Variants in DOCK8 observed in about 807,000 individuals in gnomAD.
DOCK8 encodes dedicator of cytokinesis protein 8.
DOCK8 carries 141 observed loss-of-function variants against 245.6 expected under a neutral mutation model. That is an observed-to-expected ratio of 0.57 (90% confidence interval 0.50 to 0.66). The LOEUF is 0.66. DOCK8 is among the 30% of genes least tolerant of loss of function. The pLI, the probability that DOCK8 is intolerant of heterozygous loss-of-function variation, is 0.00. For synonymous variants in DOCK8, 1,168 were observed against 970.2 expected, an observed-to-expected ratio of 1.20 and a Z score of -3.79; for missense variants, 2,965 against 2,603.4, an observed-to-expected ratio of 1.14 and a Z score of -3.02.
At chr9:358,643 G>A (rs1433872709) in intron 14 of DOCK8, among the ~76,000 whole-genome samples, 1 of 149,364 alleles carries the variant, frequency 6.7e-6, no homozygotes, top group East Asian at 2.0e-4. Context: ...GAGGTCAGGA[G>A]TTCAAGACAA....
intron 5 of DOCK8, among the ~76,000 whole-genome samples, chr9:309,109 A>G (rs1586663094): frequency 1.3e-5 from 2 of 152,224 alleles, no homozygotes; most frequent in Non-Finnish European, 1.5e-5. Flanking sequence ...ATTCTTGCAC[A>G]CTTGCCAGTT....
rs1564011206 is a variant in DOCK8 at position 399,988 on chromosome 9, C to CCCACCACCA, written c.3234+737_3234+738insACCACCACC. 8.7e-4 allele frequency among the ~76,000 whole-genome samples: 69 copies of CCCACCACCA among 79,446 alleles called. 1 individual carries two copies. The highest frequency in any genetic ancestry group is 2.5e-3 in the African/African-American group (40 of 16,054). The allele number at this position is 79,446 out of a possible 152,430, so 52.1% of individuals were successfully genotyped here. A position where few individuals can be genotyped will look rare whatever the true frequency, so the allele number is the denominator to read the frequency against. ...ACCACCTTCTCCACCATCACCACCT[C>CCCACCACCA]CCACCACCTCCACCACCTCCACCAT... On this transcript the variant is annotated intron_variant, in intron 26 of 47. Coordinates refer to ENST00000432829, the MANE Select transcript of DOCK8 (RefSeq NM_203447.4).
At chr9:229,613 G>C (rs1460032104) in intron 1 of DOCK8, among the ~76,000 whole-genome samples, 1 of 152,086 alleles carries the variant, frequency 6.6e-6, no homozygotes, top group African/African-American at 2.4e-5. Context: ...GAGTTACCAA[G>C]CTCTTTATTC....
At position 420,505 on chromosome 9, in the gene DOCK8, G is replaced by A. The variant is rs2056231658; in HGVS notation, c.3945G>A (p.Trp1315Ter). 6.2e-7 allele frequency: 1 copy of A among 1,614,048 alleles called. No individual in the cohort carries two copies. Among genetic ancestry groups the A allele is most frequent in the Non-Finnish European group, 8.5e-7 (1 of 1,180,048 alleles). The change falls in exon 31 of 48, where the codon TGG becomes TGA. Residue 1315 changes from tryptophan to a stop codon, truncating the protein, a stop_gained. Transcript: ENST00000432829. LOFTEE classifies it high-confidence loss of function. Reference protein sequence around the residue: ...KNADQSLIRKWIADLPSTQLN... With the variant: ...KNADQSLIRK ...CTGATCAGAGCCTCATTAGGAAGTG[G>A]ATTGCTGACCTGCCATCAACGCAGC... is the stretch of plus-strand genomic sequence containing the variant.
In DOCK8 at chr9:443,468, G is replaced by A; in HGVS notation, c.5532G>A (p.Val1844=). ...GTTTTGGTGCAGAATTTGTGGAAGTGATTAAAGACTCCACTCCTGTGGACA... is the reference window on the plus strand; with the variant it reads ...GTTTTGGTGCAGAATTTGTGGAAGTAATTAAAGACTCCACTCCTGTGGACA... ...GQCFGAEFVE[V]IKDSTPVDKT... The change falls in exon 43 of 48, where the codon GTG becomes GTA. Residue 1844 remains valine, a synonymous_variant. Coordinates refer to ENST00000432829, the MANE Select transcript of DOCK8 (RefSeq NM_203447.4). The A allele has an allele frequency of 6.2e-7, 1 of 1,614,050 alleles. No individual in the cohort carries two copies. The highest frequency in any genetic ancestry group is 8.5e-7 in the Non-Finnish European group (1 of 1,179,984).
intron 46 of DOCK8, among the ~76,000 whole-genome samples, chr9:455,465 G>A (rs1403772974): frequency 3.3e-5 from 5 of 152,268 alleles, no homozygotes; most frequent in South Asian, 2.1e-4. Context: ...AGCCATGATC[G>A]TGCCACTGCA....
At chr9:449,599 A>T (rs532480027) in intron 44 of DOCK8, among the ~76,000 whole-genome samples, 185 bp from the exon 45 acceptor site, 108 of 152,362 alleles carry the variant, frequency 7.1e-4, no homozygotes, top group African/African-American at 2.5e-3. Context: ...TTCCTGGAAC[A>T]TAAGGAATCA....
At chr9:391,578 T>C (rs775208266) in intron 24 of DOCK8, among the ~76,000 whole-genome samples, 3 of 152,302 alleles carry the variant, frequency 2.0e-5, no homozygotes, top group African/African-American at 4.8e-5. Flanking sequence ...TATTTTTTTG[T>C]TTAATTATTA....
At position 432,628 on chromosome 9, in the gene DOCK8, G is replaced by T. The variant is rs7024679; in HGVS notation, c.4785+304G>T. ...GTGTGGTAAGGAGCTAAATGCTATG[G>T]AAGGTTAGAGGAAGAGAGGTCGTGA... On this transcript the variant is annotated intron_variant, in intron 37 of 47. Transcript: ENST00000432829. 0.7 allele frequency among the ~76,000 whole-genome samples: 105,630 copies of T among 151,760 alleles called. 38,121 individuals are homozygous for T. The highest frequency in any genetic ancestry group is 0.98 in the East Asian group (5,058 of 5,156).
Position 328,641 on chromosome 9 carries a change from C to T in DOCK8, c.1044+470C>T, listed in dbSNP as rs139177505. ...GAGTTTCCTAACGATGTTCATGTTG[C>T]TCTAGAGATGCATAGTTACGTGTTC... On this transcript the variant is annotated intron_variant, in intron 9 of 47. Coordinates refer to ENST00000432829, the MANE Select transcript of DOCK8 (RefSeq NM_203447.4). Among the ~76,000 whole-genome samples the T allele has an allele frequency of 3.4e-3, 510 of 152,214 alleles. 5 individuals are homozygous for T. The highest frequency in any genetic ancestry group is 0.012 in the African/African-American group (492 of 41,552).
chr9:367,510 G>A (rs560536961), intron 14 of DOCK8, among the ~76,000 whole-genome samples: 27 of 146,486 alleles, frequency 1.8e-4, no homozygotes, highest in Admixed American at 2.6e-4. Context: ...TGTTGTTGTC[G>A]TTTACAGTAA....
At chr9:333,084 G>C (rs1586723655) in intron 10 of DOCK8, among the ~76,000 whole-genome samples, 1 of 152,288 alleles carries the variant, frequency 6.6e-6, no homozygotes, top group Non-Finnish European at 1.5e-5. Context: ...CTCTGACTCA[G>C]CTGGTTGGGA....
intron 1 of DOCK8, among the ~76,000 whole-genome samples, chr9:269,094 A>G (rs1223161746): frequency 6.6e-6 from 1 of 152,156 alleles, no homozygotes; most frequent in East Asian, 1.9e-4. Flanking sequence ...TACAAAATTC[A>G]CCCATGTGTA....
At chr9:394,248 C>T (rs915858549) in intron 24 of DOCK8, among the ~76,000 whole-genome samples, 9 of 147,782 alleles carry the variant, frequency 6.1e-5, no homozygotes, top group African/African-American at 2.2e-4. Context: ...CAGAGACAGA[C>T]AGAGAAGGAC....
Position 415,231 on chromosome 9 carries a change from A to C in DOCK8, c.3700+280A>C, listed in dbSNP as rs572231680. Among the ~76,000 whole-genome samples the C allele has an allele frequency of 2.0e-4, 30 of 152,336 alleles. No individual in the cohort carries two copies. In the South Asian group the frequency reaches 5.6e-3, roughly 28 times the overall value. Reference sequence around the variant, plus strand: ...TCTGCTAGTATGGAATGAACTTTATAAACCATACACCACAAAGGATGAAAT... The same window carrying C: ...TCTGCTAGTATGGAATGAACTTTATCAACCATACACCACAAAGGATGAAAT... On this transcript the variant is annotated intron_variant, in intron 29 of 47. Transcript: ENST00000432829.
chr9:278,099 A>G (rs747859955), intron 2 of DOCK8, among the ~76,000 whole-genome samples: 5 of 152,222 alleles, frequency 3.3e-5, no homozygotes, highest in Non-Finnish European at 5.9e-5. Flanking sequence ...TTTTCTTGCA[A>G]ATTCACAATG....
intron 11 of DOCK8, among the ~76,000 whole-genome samples, chr9:335,258 A>G (rs2051255879): frequency 6.6e-6 from 1 of 152,110 alleles, no homozygotes; most frequent in South Asian, 2.1e-4. Flanking sequence ...TCATTCCTAC[A>G]CTGCTTGGTG....
At position 420,402 on chromosome 9, in the gene DOCK8, C is replaced by A. The variant is rs1188370707; in HGVS notation, c.3842C>A (p.Pro1281His). Residue 1281 changes from proline to histidine, a missense_variant and splice_region_variant, in exon 31 of 48, where the codon CCC becomes CAC. This residue lies in a region of DOCK8 where 2,825 missense variants were observed against 2,453.5 expected (regional missense o/e 1.15). Transcript: ENST00000432829. ...ATCCCCCAATCTGCCTCCCTTCAGCCCTATAAGCAGTACAACATGCTGAAC... is the reference window on the plus strand; with the variant it reads ...ATCCCCCAATCTGCCTCCCTTCAGCACTATAAGCAGTACAACATGCTGAAC... Reference protein sequence around the residue: ...KTSGIVLSSLPYKQYNMLNAD... With the variant: ...KTSGIVLSSLHYKQYNMLNAD... 2 of 1,614,142 alleles carry A rather than the reference C, an allele frequency of 1.2e-6. No homozygotes were observed. Among genetic ancestry groups the A allele is most frequent in the South Asian group, 2.2e-5 (2 of 91,064 alleles).
chr9:413,612 A>G (rs1182779691), intron 28 of DOCK8, among the ~76,000 whole-genome samples: 1 of 152,230 alleles, frequency 6.6e-6, no homozygotes, highest in African/African-American at 2.4e-5. Flanking sequence ...CAGAATAGAC[A>G]TTTCTCCAAA....
Sources: allele counts gnomAD v4.1 joint callset (sites outside exome capture counted in the v4.1 genomes callset), GRCh38; gene constraint gnomAD v4.1.1; regional missense constraint gnomAD v4.1.1; transcripts MANE v1.5; gene names NCBI Gene and HGNC (gene_info 2026-07-23, HGNC 2026-07-21).